The following MGST2 variants were observed in gnomAD, a reference collection of about 807,000 sequenced individuals.
MGST2 encodes glutathione peroxidase MGST2.
In MGST2, 9 loss-of-function variants were observed where a neutral mutation model predicts 16.6. The ratio of observed to expected loss-of-function variants is 0.54; its 90% confidence interval spans 0.33 to 0.95. MGST2 has a LOEUF of 0.95. Among genes scored for constraint, MGST2 ranks in the 40% least tolerant of loss-of-function variants. The pLI is 0.03. For missense variants in MGST2, 159 were observed against 175.1 expected, an observed-to-expected ratio of 0.91 and a Z score of 0.52; for synonymous variants, 79 against 68.0, an observed-to-expected ratio of 1.16 and a Z score of -0.79.
chr4:139,706,331 C>A (rs959432998), downstream of MGST2, among the ~76,000 whole-genome samples: 1 of 152,192 alleles, frequency 6.6e-6, no homozygotes, highest in African/African-American at 2.4e-5. Flanking sequence ...CCAGACCACC[C>A]TATCCTGTCC....
chr4:139,696,302 T>C (rs1560750857), intron 3 of MGST2, among the ~76,000 whole-genome samples: 1 of 152,204 alleles, frequency 6.6e-6, no homozygotes, highest in Non-Finnish European at 1.5e-5. Context: ...TTTTTGCTTT[T>C]TTTCTCTAAA....
At chr4:139,703,173 C>T (rs528026065) in intron 3 of MGST2, among the ~76,000 whole-genome samples, 1 of 151,882 alleles carries the variant, frequency 6.6e-6, no homozygotes, top group African/African-American at 2.4e-5. Context: ...TGATTCACCC[C>T]CCCTCGGCCT....
At chr4:139,685,351 TAGCC>T (rs1372355741) in intron 2 of MGST2, 1 of 162,682 alleles carries the variant, frequency 6.1e-6, no homozygotes, top group East Asian at 1.9e-4. Flanking sequence ...AACACCCGCC[TAGCC>T]AGCCAGATCA....
chr4:139,673,505 C>G (rs1353968657), intron 1 of MGST2, among the ~76,000 whole-genome samples: 1 of 152,146 alleles, frequency 6.6e-6, no homozygotes, highest in East Asian at 1.9e-4. Flanking sequence ...CTCCCAGGCT[C>G]AAGCGATCCT....
intron 5 of MGST2, chr4:139,730,688 G>C: frequency 6.3e-7 from 1 of 1,599,156 alleles, no homozygotes; most frequent in Non-Finnish European, 8.5e-7. Context: ...AAGAGAGAGG[G>C]AGATGCAGGG....
intron 5 of MGST2, among the ~76,000 whole-genome samples, chr4:139,727,377 CTCAG>C (rs1259402668): frequency 6.6e-6 from 1 of 152,214 alleles, no homozygotes; most frequent in Non-Finnish European, 1.5e-5. Flanking sequence ...ACAGCTTCTC[CTCAG>C]TCAAACTTCC....
chr4:139,751,447 T>C, the MGST2 span, among the ~76,000 whole-genome samples: 1 of 152,240 alleles, frequency 6.6e-6, no homozygotes, highest in African/African-American at 2.4e-5. Context: ...TTACATACAA[T>C]ATTTTAAATA....
chr4:139,748,054 A>T, the MGST2 span, among the ~76,000 whole-genome samples: 1 of 1,314 alleles, frequency 7.6e-4, no homozygotes, highest in Admixed American at 0.017. Flanking sequence ...GACTTCGTCT[A>T]AAAAAAAAAA....
intron 5 of MGST2, among the ~76,000 whole-genome samples, chr4:139,710,531 G>A (rs375990872): frequency 2.1e-4 from 32 of 152,050 alleles, no homozygotes; most frequent in Non-Finnish European, 3.4e-4. Flanking sequence ...TAGTGTCAGC[G>A]TCCCCCTGTG....
intron 2 of MGST2, among the ~76,000 whole-genome samples, chr4:139,680,277 G>A (rs1731170186): frequency 6.6e-6 from 1 of 152,124 alleles, no homozygotes; most frequent in South Asian, 2.1e-4. Flanking sequence ...GGGCCTTATA[G>A]TATACTGTGG....
intron 5 of MGST2, among the ~76,000 whole-genome samples, chr4:139,713,379 T>G (rs112432196): frequency 2.1e-5 from 3 of 145,770 alleles, no homozygotes; most frequent in Non-Finnish European, 3.0e-5. Flanking sequence ...TTTTTCCCAA[T>G]GAGTCTGTGA....
downstream of MGST2, among the ~76,000 whole-genome samples, chr4:139,743,243 G>A (rs1416868487): frequency 2.0e-5 from 3 of 152,218 alleles, no homozygotes; most frequent in Non-Finnish European, 4.4e-5. Flanking sequence ...CTTGTGGGAG[G>A]ATAACAGCAG....
chr4:139,747,148 C>T, the MGST2 span, among the ~76,000 whole-genome samples: 1 of 152,204 alleles, frequency 6.6e-6, no homozygotes, highest in African/African-American at 2.4e-5. Context: ...GAAGTCAATC[C>T]TTAAATGATG....
At chr4:139,710,701 C>A (rs781403956) in intron 5 of MGST2, among the ~76,000 whole-genome samples, 1 of 152,128 alleles carries the variant, frequency 6.6e-6, no homozygotes, top group Admixed American at 6.6e-5. Flanking sequence ...TAGCGATGGC[C>A]TCTTCTTCAT....
intron 2 of MGST2, among the ~76,000 whole-genome samples, chr4:139,689,605 C>T (rs1050980711): frequency 8.5e-5 from 13 of 152,154 alleles, no homozygotes; most frequent in African/African-American, 2.9e-4. Context: ...TGGCAGTGTA[C>T]AGCCCACTGG....
chr4:139,724,806 G>A (rs4863678), intron 5 of MGST2, among the ~76,000 whole-genome samples: 38,800 of 144,360 alleles, frequency 0.27, 5,338 homozygotes, highest in African/African-American at 0.33. Context: ...ACAGAGTCTC[G>A]CTCTGTTGCC....
chr4:139,750,874 G>A, the MGST2 span, among the ~76,000 whole-genome samples: 1 of 152,134 alleles, frequency 6.6e-6, no homozygotes, highest in Non-Finnish European at 1.5e-5. Flanking sequence ...TCAGAAGAAG[G>A]GTTTTTGTTT....
chr4:139,732,526 G>A lies in MGST2; in HGVS notation c.*49-7686G>A, dbSNP rs372045095. Among the ~76,000 whole-genome samples, 105 of 151,494 alleles carry A rather than the reference G, an allele frequency of 6.9e-4. 1 individual carries two copies. In the South Asian group the frequency reaches 0.021, roughly 31 times the overall value. On this transcript the variant is annotated intron_variant, in intron 5 of 5. Transcript: ENST00000616265. ...CTGGTTTGTTCGTGCAGTAGCTTAGGTCACACAATCAATGAATGGAAGACA... is the reference window on the plus strand; with the variant it reads ...CTGGTTTGTTCGTGCAGTAGCTTAGATCACACAATCAATGAATGGAAGACA...
At chr4:139,732,601 G>T (rs1184746535) in intron 5 of MGST2, among the ~76,000 whole-genome samples, 1 of 149,606 alleles carries the variant, frequency 6.7e-6, no homozygotes, top group Non-Finnish European at 1.5e-5. Context: ...GTAACAGATA[G>T]CTTGTCTTTA....
Sources: gnomAD v4.1 joint callset for allele counts (sites outside exome capture counted in the v4.1 genomes callset) on GRCh38, gnomAD v4.1.1 for gene constraint, MANE v1.5 for transcripts, NCBI Gene and HGNC (gene_info 2026-07-23, HGNC 2026-07-21) for gene names.